NTRK2: variants seen among roughly 807,000 people sequenced by gnomAD.
The protein encoded by NTRK2 is BDNF/NT-3 growth factors receptor.
NTRK2 carries 13 observed loss-of-function variants against 94.5 expected under a neutral mutation model. The ratio of observed to expected loss-of-function variants is 0.14; its 90% CI spans 0.09 to 0.22. The LOEUF is 0.22. Among genes scored for constraint, NTRK2 ranks in the 10% least tolerant of loss-of-function variants. The pLI is 1.00. For missense variants in NTRK2, 639 were observed against 1,071.2 expected (o/e 0.60, Z 5.63); for synonymous variants, 372 against 407.4 (o/e 0.91, Z 1.05).
At chr9:84,891,778 G>A (rs1330379182) in intron 14 of NTRK2, among the ~76,000 whole-genome samples, 1 of 152,134 alleles carries the variant, frequency 6.6e-6, no homozygotes, top group Non-Finnish European at 1.5e-5. Context: ...TTTACCCACA[G>A]AATTAAGTTA....
chr9:84,786,749 C>T (rs975694422), intron 12 of NTRK2, among the ~76,000 whole-genome samples: 1 of 152,194 alleles, frequency 6.6e-6, no homozygotes, highest in Non-Finnish European at 1.5e-5. Context: ...CCAGTGGCCA[C>T]CACGTGTGTG....
intron 2 of NTRK2, 99 bp from the exon 3 acceptor site, chr9:84,702,060 G>T: frequency 9.7e-7 from 1 of 1,030,198 alleles, no homozygotes; most frequent in Admixed American, 1.9e-5. Context: ...GTGGTGTGGA[G>T]GGAGCACCTT....
chr9:84,886,604 G>T (rs986177175), intron 14 of NTRK2, among the ~76,000 whole-genome samples: 52 of 152,282 alleles, frequency 3.4e-4, no homozygotes, highest in African/African-American at 1.2e-3. Context: ...CTGCAAAGTG[G>T]TATCTGAGGC....
intron 12 of NTRK2, among the ~76,000 whole-genome samples, chr9:84,844,793 T>G (rs969827713): frequency 2.6e-5 from 4 of 151,930 alleles, no homozygotes; most frequent in Non-Finnish European, 5.9e-5. Flanking sequence ...AAAATGGCTG[T>G]TATAATTTCT....
At chr9:84,717,852 A>G (rs2061799856) in intron 6 of NTRK2, among the ~76,000 whole-genome samples, 1 of 152,178 alleles carries the variant, frequency 6.6e-6, no homozygotes, top group African/African-American at 2.4e-5. Flanking sequence ...ATTACAATCA[A>G]AGAACTGATT....
chr9:84,969,317 G>A lies in NTRK2; in HGVS notation c.2172+13800G>A, dbSNP rs559899019. ...TTTTGTCAGCCATTCTGAGTCATATGTATTTGCCTGAGCATGAAACACTTG... is the reference window on the plus strand; with the variant it reads ...TTTTGTCAGCCATTCTGAGTCATATATATTTGCCTGAGCATGAAACACTTG... On this transcript the variant is annotated intron_variant, in intron 17 of 18. Transcript: ENST00000277120. Among the ~76,000 whole-genome samples the A allele has an allele frequency of 3.9e-5, 6 of 152,370 alleles. No homozygotes were observed. The South Asian group carries it at 1.0e-3, about 26-fold the overall frequency.
At chr9:84,952,133 A>G (rs1823532685) in intron 16 of NTRK2, among the ~76,000 whole-genome samples, 1 of 152,250 alleles carries the variant, frequency 6.6e-6, no homozygotes, top group African/African-American at 2.4e-5. Context: ...TTCAGGGTAT[A>G]AACCATCCTT....
chr9:84,755,525 CTTTTTTTTTT>C (rs745611460), intron 12 of NTRK2, among the ~76,000 whole-genome samples: 136 of 60,662 alleles, frequency 2.2e-3, no homozygotes, highest in African/African-American at 8.1e-3. Flanking sequence ...AGTCCCACCT[CTTTTTTTTTT>C]TTTTTTTTTT....
intron 12 of NTRK2, among the ~76,000 whole-genome samples, chr9:84,797,622 ATATATTATATAT>A: frequency 2.8e-5 from 2 of 70,342 alleles, no homozygotes; most frequent in Non-Finnish European, 4.9e-5. Flanking sequence ...TATATATACT[ATATATTATATAT>A]TATATATACT....
At chr9:84,897,511 G>A (rs1268780107) in intron 14 of NTRK2, among the ~76,000 whole-genome samples, 16 of 152,184 alleles carry the variant, frequency 1.1e-4, no homozygotes, top group Non-Finnish European at 4.4e-5. Flanking sequence ...ACATTTTTAT[G>A]CCATAGTTCG....
At chr9:84,795,482 A>G (rs2069204210) in intron 12 of NTRK2, among the ~76,000 whole-genome samples, 1 of 152,142 alleles carries the variant, frequency 6.6e-6, no homozygotes, top group South Asian at 2.1e-4. Context: ...ATGCTGGTGC[A>G]GGCCGAGCAC....
chr9:84,718,280 G>C (rs1353769111), intron 6 of NTRK2, among the ~76,000 whole-genome samples: 2 of 152,186 alleles, frequency 1.3e-5, no homozygotes, highest in African/African-American at 4.8e-5. Context: ...CTGTGGAACA[G>C]AGAGTTTGCT....
intron 17 of NTRK2, among the ~76,000 whole-genome samples, chr9:85,000,205 C>T (rs912081076): frequency 3.1e-4 from 47 of 152,300 alleles, no homozygotes; most frequent in African/African-American, 1.0e-3. Flanking sequence ...TGCACCAGAG[C>T]GGTGCATTTG....
intron 9 of NTRK2, 26 bp from the exon 10 acceptor site, chr9:84,741,866 A>T: frequency 6.2e-7 from 1 of 1,607,970 alleles, no homozygotes; most frequent in Non-Finnish European, 8.5e-7. Context: ...CATACTTACA[A>T]ATCTTTGCTC....
intron 6 of NTRK2, among the ~76,000 whole-genome samples, chr9:84,715,075 T>C (rs1289129512): frequency 1.3e-5 from 2 of 152,216 alleles, no homozygotes; most frequent in East Asian, 3.8e-4. Context: ...TTCTCTACAT[T>C]TTATATGCAA....
intron 2 of NTRK2, among the ~76,000 whole-genome samples, chr9:84,682,903 CTATT>C (rs1182487018): frequency 6.6e-6 from 1 of 152,176 alleles, no homozygotes; most frequent in African/African-American, 2.4e-5. Flanking sequence ...TGAATAGACT[CTATT>C]TAACCAACTT....
intron 12 of NTRK2, among the ~76,000 whole-genome samples, chr9:84,836,086 C>A (rs1281560902): frequency 6.6e-6 from 1 of 152,190 alleles, no homozygotes. Context: ...TAGCAAACAC[C>A]ATAGTTCTGT....
chr9:84,948,749 T>G lies in NTRK2; in HGVS notation c.1937+115T>G, dbSNP rs988982027. On this transcript the variant is annotated intron_variant, in intron 16 of 18. Transcript: ENST00000277120. ...TGGACCTTTCTCGAAGCATCTTATTTGATAATGACACCAGCATATGCCAGA... is the reference window on the plus strand; with the variant it reads ...TGGACCTTTCTCGAAGCATCTTATTGGATAATGACACCAGCATATGCCAGA... 6.0e-6 allele frequency: 5 copies of G among 830,400 alleles called. No homozygotes were observed. The African/African-American group carries it at 8.5e-5, about 14-fold the overall frequency. 51.4% of individuals were successfully genotyped at this position (830,400 alleles called of 1,614,324 possible).
At chr9:84,705,947 A>T (rs2061030893) in intron 4 of NTRK2, among the ~76,000 whole-genome samples, 1 of 151,556 alleles carries the variant, frequency 6.6e-6, no homozygotes, top group Non-Finnish European at 1.5e-5. Flanking sequence ...GCGCCACCAC[A>T]CCAGGTGAAT....
Sources: gnomAD v4.1 joint callset for allele counts (sites outside exome capture counted in the v4.1 genomes callset) on GRCh38, gnomAD v4.1.1 for gene constraint, MANE v1.5 for transcripts, NCBI Gene and HGNC (gene_info 2026-07-23, HGNC 2026-07-21) for gene names.